WDR1: variants seen among roughly 807,000 people sequenced by gnomAD.
WDR1 encodes WD repeat domain 1, also known as WD repeat-containing protein 1.
Under a neutral mutation model 71.9 loss-of-function variants are expected in WDR1, and 21 were observed. The ratio of observed to expected loss-of-function variants is 0.29; its 90% CI spans 0.21 to 0.42. The LOEUF is 0.42. Among genes scored for constraint, WDR1 ranks in the 10% least tolerant of loss-of-function variants. WDR1 has a pLI of 1.00. For missense variants in WDR1, 696 were observed against 824.5 expected (o/e 0.84, Z 1.91); for synonymous variants, 424 against 347.4 (o/e 1.22, Z -2.45).
At chr4:10,093,118 G>A (rs1286698041) in intron 5 of WDR1, 2 of 1,289,306 alleles carry the variant, frequency 1.6e-6, no homozygotes, top group African/African-American at 1.5e-5. Context: ...CAGAGCGACA[G>A]AGCGCTGCAG....
At chr4:10,090,582 C>T (rs773192160) in intron 5 of WDR1, among the ~76,000 whole-genome samples, 5 of 152,228 alleles carry the variant, frequency 3.3e-5, no homozygotes, top group African/African-American at 9.6e-5. Flanking sequence ...TAAACCATTT[C>T]CTCCAGCCAA....
At chr4:10,106,624 T>C (rs887576897) in intron 2 of WDR1, 1 of 152,222 alleles carries the variant, frequency 6.6e-6, no homozygotes, top group Non-Finnish European at 1.5e-5. Context: ...GGCAGGGGCA[T>C]GAGAGGAAGT....
chr4:10,088,272 G>T, intron 7 of WDR1, 21 bp downstream of exon 7: 1 of 1,550,086 alleles, frequency 6.5e-7, no homozygotes, highest in Non-Finnish European at 8.7e-7. Flanking sequence ...CCACTAGGCC[G>T]GGAAACACGC....
At chr4:10,103,176 C>T (rs768955802) in intron 3 of WDR1, among the ~76,000 whole-genome samples, 4 of 152,142 alleles carry the variant, frequency 2.6e-5, no homozygotes, top group Non-Finnish European at 5.9e-5. Context: ...ACAAATAAAA[C>T]GTGAGCGCTG....
intron 4 of WDR1, 93 bp from the exon 5 acceptor site, chr4:10,097,984 C>T (rs1712455723): frequency 1.5e-6 from 2 of 1,303,828 alleles, no homozygotes; most frequent in Non-Finnish European, 1.0e-6. Context: ...GCTGCCAGTG[C>T]ACAGAGGATG....
intron 5 of WDR1, chr4:10,093,196 G>A: frequency 7.9e-7 from 1 of 1,269,136 alleles, no homozygotes. Context: ...GAACCCTCTG[G>A]GAGCCCACCC....
chr4:10,109,226 G>T (rs1179651193), intron 2 of WDR1, among the ~76,000 whole-genome samples: 1 of 152,250 alleles, frequency 6.6e-6, no homozygotes, highest in East Asian at 1.9e-4. Context: ...CTGTTAAGTG[G>T]CAGCGCCAGA....
Position 10,116,720 on chromosome 4 carries a change from G to A in WDR1, c.-54C>T, listed in dbSNP as rs1259336468. ...CGCCGAGAGCCTCCGGGGCCGGCCC[G>A]CGCTGCGAATTACACCTCGCCGAGG... On this transcript the variant is annotated 5_prime_UTR_variant, in exon 1 of 15. Coordinates refer to ENST00000499869, the MANE Select transcript of WDR1 (RefSeq NM_017491.5). 3 of 1,312,544 alleles carry A rather than the reference G, an allele frequency of 2.3e-6. No individual in the cohort carries two copies. The highest frequency in any genetic ancestry group is 9.7e-7 in the Non-Finnish European group (1 of 1,028,480). 81.3% of individuals were successfully genotyped at this position (1,312,544 alleles called of 1,614,324 possible).
rs1712861783 is a variant in WDR1, at chr4:10,103,930, C to T, written c.195G>A (p.Lys65=). 6.2e-7 allele frequency: 1 copy of T among 1,601,490 alleles called. No individual in the cohort carries two copies. Among genetic ancestry groups the T allele is most frequent in the Middle Eastern group, 1.7e-4 (1 of 6,046 alleles). ...TEHAHQVVVA[K]YAPSGFYIAS... Reference sequence around the variant, plus strand: ...CAATGTAGAATCCGCTGGGCGCATACTTGGCCACCACCACCTGATGGGCGT... The same window carrying T: ...CAATGTAGAATCCGCTGGGCGCATATTTGGCCACCACCACCTGATGGGCGT... The change falls in exon 3 of 15, where the codon AAG becomes AAA. Residue 65 remains lysine, a synonymous_variant. Coordinates refer to ENST00000499869, the MANE Select transcript of WDR1 (RefSeq NM_017491.5).
In WDR1 at chr4:10,083,099, C is replaced by T; in HGVS notation, c.1119G>A (p.Val373=). ...AGCTGATGAGCTGCCCCGACTCATC[C>T]ACGGTCATCCTGGACACCTGGTTCG... is the stretch of plus-strand genomic sequence containing the variant. The part of the protein sequence containing the change: ...GHTNQVSRMT[V]DESGQLISCS... The change falls in exon 10 of 15, where the codon GTG becomes GTA. Residue 373 remains valine (V), a synonymous_variant. Transcript: ENST00000499869. 1 of 1,613,966 alleles carries T rather than the reference C, an allele frequency of 6.2e-7. No homozygotes were observed. Among genetic ancestry groups the T allele is most frequent in the Non-Finnish European group, 8.5e-7 (1 of 1,179,892 alleles).
intron 3 of WDR1, among the ~76,000 whole-genome samples, chr4:10,101,822 T>C (rs920546390): frequency 2.0e-5 from 3 of 152,376 alleles, no homozygotes; most frequent in East Asian, 1.9e-4. Context: ...AAGACACTTC[T>C]AAGAGCATTC....
At chr4:10,088,939 G>A (rs1267789885) in intron 5 of WDR1, among the ~76,000 whole-genome samples, 198 bp from the exon 6 acceptor site, 7 of 152,218 alleles carry the variant, frequency 4.6e-5, no homozygotes, top group Admixed American at 4.6e-4. Flanking sequence ...CAGCCTGCCT[G>A]CCATGCTGAC....
intron 8 of WDR1, 130 bp downstream of exon 8, chr4:10,087,577 G>T: frequency 1.1e-6 from 1 of 872,296 alleles, no homozygotes; most frequent in South Asian, 1.8e-5. Context: ...AAAACCCCAA[G>T]GGCCAAGGAG....
chr4:10,078,810 C>G, intron 12 of WDR1, 81 bp downstream of exon 12: 1 of 1,236,362 alleles, frequency 8.1e-7, no homozygotes, highest in Admixed American at 2.0e-5. Flanking sequence ...GAGACAGCCC[C>G]GGTACTCACA....
At chr4:10,087,983 G>A in intron 7 of WDR1, 43 bp from the exon 8 acceptor site, 1 of 1,505,022 alleles carries the variant, frequency 6.6e-7, no homozygotes, top group Non-Finnish European at 8.9e-7. Context: ...GAGGACTACA[G>A]ACTGGAGAGA....
At chr4:10,077,708 G>A (rs1225740558) in intron 13 of WDR1, 45 bp downstream of exon 13, 2 of 1,508,478 alleles carry the variant, frequency 1.3e-6, no homozygotes, top group African/African-American at 1.4e-5. Flanking sequence ...ACTGCCACCT[G>A]CACCGCCCAG....
chr4:10,075,243 A>G lies in WDR1; in HGVS notation c.*135T>C, dbSNP rs1764754819. The G allele has an allele frequency of 5.6e-6, 4 of 711,998 alleles. No homozygotes were observed. Among genetic ancestry groups the G allele is most frequent in the Non-Finnish European group, 9.8e-6 (4 of 408,764 alleles). 44.1% of individuals were successfully genotyped at this position (711,998 alleles called of 1,614,324 possible). A position where few individuals can be genotyped will look rare whatever the true frequency, so the allele number is the denominator to read the frequency against. The stretch of plus-strand genomic sequence containing the variant: ...CAGACACCCTGCAGAGACGAGGGTC[A>G]TGACTGGGCCCTCCTGCCTCTTGTG... On this transcript the variant is annotated 3_prime_UTR_variant, in exon 15 of 15. Coordinates refer to ENST00000499869, the MANE Select transcript of WDR1 (RefSeq NM_017491.5).
At chr4:10,082,008 T>C (rs1765035359) in intron 10 of WDR1, among the ~76,000 whole-genome samples, 2 of 152,176 alleles carry the variant, frequency 1.3e-5, no homozygotes, top group Non-Finnish European at 2.9e-5. Context: ...CCCCAAAGGC[T>C]CTGCAGCAAG....
intron 5 of WDR1, chr4:10,091,972 C>G (rs1285554337): frequency 6.6e-6 from 1 of 152,338 alleles, no homozygotes; most frequent in Non-Finnish European, 1.5e-5. Flanking sequence ...ACCACTACTC[C>G]TTCCAGATGA....
Sources: gnomAD v4.1 joint callset for allele counts (sites outside exome capture counted in the v4.1 genomes callset) on GRCh38, gnomAD v4.1.1 for gene constraint, MANE v1.5 for transcripts, NCBI Gene and HGNC (gene_info 2026-07-23, HGNC 2026-07-21) for gene names.